Variants in WNK2 observed in about 807,000 individuals in gnomAD.
WNK2 encodes serine/threonine-protein kinase WNK2.
In WNK2, 67 loss-of-function variants were observed where a neutral mutation model predicts 192.1. That is an observed-to-expected ratio of 0.35 (90% CI 0.29 to 0.43). WNK2 has a LOEUF of 0.43. WNK2 is among the 20% of genes least tolerant of loss of function. WNK2 has a pLI of 1.00. For missense variants in WNK2, 2,698 were observed against 3,089.7 expected (o/e 0.87, Z 3.01); for synonymous variants, 1,439 against 1,393.9 (o/e 1.03, Z -0.72).
Position 93,306,816 on chromosome 9 carries a change from G to A in WNK2, c.6254G>A (p.Ser2085Asn). ...LKRLCLGKEH[S>N]SRSSTSSLAP... ...CGTCTCTGCCTAGGCAAAGAACACA[G>A]CAGTAGTAATTATCCGGGTTTTTTC... Residue 2085 changes from serine to asparagine, a missense_variant, in exon 27 of 30, where the codon AGC becomes AAC. Ser to Asn is a conservative substitution (Grantham distance 46). This residue lies in a region of WNK2 where 167 missense variants were observed against 184.2 expected (regional missense o/e 0.91). Transcript: ENST00000427277. The A allele has an allele frequency of 6.2e-7, 1 of 1,614,038 alleles. No homozygotes were observed. The highest frequency in any genetic ancestry group is 1.1e-5 in the South Asian group (1 of 91,090).
intron 2 of WNK2, among the ~76,000 whole-genome samples, chr9:93,200,912 CAGA>C (rs1418107013): frequency 3.3e-5 from 5 of 151,900 alleles, no homozygotes; most frequent in Admixed American, 1.3e-4. Context: ...ACAAATGAAA[CAGA>C]AGAAGATGAA....
chr9:93,308,136 A>C, intron 27 of WNK2, 192 bp from the exon 28 acceptor site: 1 of 1,206,738 alleles, frequency 8.3e-7, no homozygotes, highest in Non-Finnish European at 1.1e-6. Flanking sequence ...GGCACAGCCC[A>C]TGGAAATGCC....
intron 2 of WNK2, among the ~76,000 whole-genome samples, chr9:93,204,625 C>A (rs1453405696): frequency 6.6e-6 from 1 of 152,236 alleles, no homozygotes; most frequent in African/African-American, 2.4e-5. Flanking sequence ...TGACTCTGAG[C>A]CATCACGGGC....
At chr9:93,282,614 G>C (rs752947078) in intron 19 of WNK2, among the ~76,000 whole-genome samples, 1 of 152,134 alleles carries the variant, frequency 6.6e-6, no homozygotes, top group African/African-American at 2.4e-5. Flanking sequence ...ACATAATGGT[G>C]AAAGATTCAA....
At chr9:93,299,399 TA>T (rs374332748) in intron 25 of WNK2, 138 bp downstream of exon 25, 83,886 of 620,108 alleles carry the variant, frequency 0.14, 1,156 homozygotes, top group East Asian at 0.22. Flanking sequence ...TTAAAAAGGA[TA>T]AAAAAAAAAA....
At chr9:93,221,043 T>C (rs1030170576) in intron 2 of WNK2, among the ~76,000 whole-genome samples, 2 of 152,114 alleles carry the variant, frequency 1.3e-5, no homozygotes, top group Admixed American at 1.3e-4. Flanking sequence ...ATGGAGGGTA[T>C]TGGGTGGGCC....
At chr9:93,193,088 G>T (rs1260275854) in intron 2 of WNK2, among the ~76,000 whole-genome samples, 1 of 152,232 alleles carries the variant, frequency 6.6e-6, no homozygotes, top group Non-Finnish European at 1.5e-5. Context: ...GTCCGTCCTG[G>T]CTGTGCAGCC....
rs1293785068 is a variant in WNK2, at chr9:93,315,782, CTTGTGTGTGTGTGTGTGTGTGT to C, written c.6517-1737_6517-1716del. 7.7e-5 allele frequency: 9 copies of C among 117,020 alleles called. No homozygotes were observed. In the South Asian group the frequency reaches 9.9e-4, roughly 13 times the overall value. 7.2% of individuals were successfully genotyped at this position (117,020 alleles called of 1,614,324 possible). ...TTTTCCATGAACTTTTTGAAGACCCCTTGTGTGTGTGTGTGTGTGTGTGTGTGTGTGTGTGTGTGTGTATATA... is the reference window on the plus strand; with the variant it reads ...TTTTCCATGAACTTTTTGAAGACCCCGTGTGTGTGTGTGTGTGTGTATATA... On this transcript the variant is annotated intron_variant, in intron 28 of 29. Transcript: ENST00000427277.
chr9:93,303,851 A>G (rs993134717), intron 26 of WNK2, among the ~76,000 whole-genome samples: 1 of 152,240 alleles, frequency 6.6e-6, no homozygotes, highest in Non-Finnish European at 1.5e-5. Flanking sequence ...TGGTTGTTCA[A>G]TACGTAGACA....
intron 28 of WNK2, chr9:93,316,163 C>A (rs1452734223): frequency 6.6e-6 from 1 of 152,216 alleles, no homozygotes; most frequent in Non-Finnish European, 1.5e-5. Context: ...ATCATTGTGG[C>A]AACACCACAC....
intron 2 of WNK2, among the ~76,000 whole-genome samples, chr9:93,194,295 A>G (rs909633971): frequency 2.6e-5 from 4 of 152,220 alleles, no homozygotes; most frequent in African/African-American, 9.7e-5. Context: ...CTGGGGAGAA[A>G]ATATTTGCAA....
Position 93,235,663 on chromosome 9 carries a change from G to A in WNK2, c.1233+698G>A, listed in dbSNP as rs144019863. Among the ~76,000 whole-genome samples, 1,118 of 152,360 alleles carry A rather than the reference G, an allele frequency of 7.3e-3. 13 individuals carry two copies. Among genetic ancestry groups the A allele is most frequent in the African/African-American group, 0.026 (1,070 of 41,582 alleles). On this transcript the variant is annotated intron_variant, in intron 5 of 29. Coordinates refer to ENST00000427277, the MANE Select transcript of WNK2 (RefSeq NM_006648.4). The stretch of plus-strand genomic sequence containing the variant: ...GCCTGTTTTCTGCACCACCCGTCTT[G>A]TTGTGAAGCCCAGGGGCCTGCAGAG...
Position 93,289,491 on chromosome 9 carries a change from C to T in WNK2, c.4737C>T (p.Gly1579=), listed in dbSNP as rs370214976. The change falls in exon 20 of 30, where the codon GGC becomes GGT. Residue 1579 remains glycine (G), a synonymous_variant. Coordinates refer to ENST00000427277, the MANE Select transcript of WNK2 (RefSeq NM_006648.4). The stretch of plus-strand genomic sequence containing the variant: ...CAGCTGGGACCCCTGTGGAGGTGGG[C>T]GACAGAGACTTCACCCTGGAGCCCC... ...SASAGTPVEV[G]DRDFTLEPLR... is the part of the protein sequence containing the mutation. 7.5e-6 allele frequency: 12 copies of T among 1,608,366 alleles called. No individual in the cohort carries two copies. The highest frequency in any genetic ancestry group is 2.2e-5 in the South Asian group (2 of 90,932).
At chr9:93,317,827 G>GC in intron 29 of WNK2, 196 bp downstream of exon 29, 1 of 1,498,772 alleles carries the variant, frequency 6.7e-7, no homozygotes, top group Non-Finnish European at 8.9e-7. Flanking sequence ...AGCATGCCTG[G>GC]CCCCCGGCTG....
Position 93,306,779 on chromosome 9 carries a change from T to G in WNK2, c.6217T>G (p.Ser2073Ala), listed in dbSNP as rs774279085. The change falls in exon 27 of 30, where the codon TCT (serine) becomes GCT (alanine). Residue 2073 changes from serine (S) to alanine (A), a missense_variant and splice_region_variant. This residue lies in a region of WNK2 where 29 missense variants were observed against 55.6 expected (regional missense o/e 0.52). Coordinates refer to ENST00000427277, the MANE Select transcript of WNK2 (RefSeq NM_006648.4). ...LSGPVSVSIWSALKRLCLGKE... is the reference protein window; with the variant it reads ...LSGPVSVSIWAALKRLCLGKE... Reference sequence around the variant, plus strand: ...TGTCGTTTCTTTTTCCCTTGCAGGGTCTGCCCTGAAGCGTCTCTGCCTAGG... The same window carrying G: ...TGTCGTTTCTTTTTCCCTTGCAGGGGCTGCCCTGAAGCGTCTCTGCCTAGG... 1.2e-6 allele frequency: 2 copies of G among 1,614,080 alleles called. No homozygotes were observed. Among genetic ancestry groups the G allele is most frequent in the Admixed American group, 3.3e-5 (2 of 60,036 alleles).
rs746181231 is a variant in WNK2, at chr9:93,259,501, ATGCTGCCCCCACAACCTG to A, written c.2964_2981del (p.Val991_Pro996del). ...TCAACCTGTGCTGCCCCCGCAACCC[ATGCTGCCCCCACAACCTG>A]TGCTGCCCCCGCAGCCGGCACTGCC... On this transcript the variant is annotated inframe_deletion, in exon 12 of 30. Coordinates refer to ENST00000427277, the MANE Select transcript of WNK2 (RefSeq NM_006648.4). The surrounding 1 kb of genome is among the most constrained non-coding windows in gnomAD (Gnocchi z 4.8). 7.9e-7 allele frequency: 1 copy of A among 1,270,252 alleles called. No individual in the cohort carries two copies. The highest frequency in any genetic ancestry group is 1.0e-6 in the Non-Finnish European group (1 of 972,978). 78.7% of individuals were successfully genotyped at this position (1,270,252 alleles called of 1,614,324 possible). A position where few individuals can be genotyped will look rare whatever the true frequency, so the allele number is the denominator to read the frequency against.
At chr9:93,231,214 G>A (rs1470128621) in intron 4 of WNK2, 106 bp downstream of exon 4, 3 of 1,132,764 alleles carry the variant, frequency 2.6e-6, no homozygotes, top group Non-Finnish European at 3.9e-6. Context: ...AGGAGACCCA[G>A]TGGGAGGAGC....
At chr9:93,260,062 G>A (rs766536555) in intron 12 of WNK2, among the ~76,000 whole-genome samples, 2 of 152,216 alleles carry the variant, frequency 1.3e-5, no homozygotes, top group Non-Finnish European at 2.9e-5. Flanking sequence ...CGATAGCGGG[G>A]CAGGGGCTGG....
chr9:93,277,520 T>C (rs564225611), intron 19 of WNK2, among the ~76,000 whole-genome samples: 1 of 152,258 alleles, frequency 6.6e-6, no homozygotes, highest in South Asian at 2.1e-4. Context: ...AAGAAATATA[T>C]CATTGGTAAA....
Sources: allele counts gnomAD v4.1 joint callset (sites outside exome capture counted in the v4.1 genomes callset), GRCh38; gene constraint gnomAD v4.1.1; regional missense constraint gnomAD v4.1.1; non-coding constraint Gnocchi (gnomAD v3.1); transcripts MANE v1.5; gene names NCBI Gene and HGNC (gene_info 2026-07-23, HGNC 2026-07-21).